The following GATB variants were observed in gnomAD, a reference collection of about 807,000 sequenced individuals.
GATB encodes the protein glutamyl-tRNA amidotransferase subunit B.
A neutral mutation model predicts 62.3 loss-of-function variants in GATB; 39 were observed. That is an observed-to-expected ratio of 0.63 (90% confidence interval 0.48 to 0.82). The LOEUF (loss-of-function observed/expected upper bound fraction) is 0.82. Among genes scored for constraint, GATB ranks in the 40% least tolerant of loss-of-function variants. The pLI is 0.00. For synonymous variants in GATB, 276 were observed against 258.9 expected, an observed-to-expected ratio of 1.07 and a Z score of -0.63; for missense variants, 670 against 684.0, an observed-to-expected ratio of 0.98 and a Z score of 0.23.
At chr4:151,750,762 G>A (rs1578941972) in intron 2 of GATB, among the ~76,000 whole-genome samples, 2 of 150,170 alleles carry the variant, frequency 1.3e-5, no homozygotes, top group African/African-American at 2.4e-5. Context: ...CACAAGCAGC[G>A]GACTACAGGC....
chr4:151,705,615 C>A (rs1205792548), intron 6 of GATB, among the ~76,000 whole-genome samples: 2 of 152,136 alleles, frequency 1.3e-5, no homozygotes, highest in East Asian at 3.9e-4. Flanking sequence ...CCCTGGGAGT[C>A]TGGGATGGGC....
chr4:151,737,767 A>G (rs1253776878), intron 2 of GATB, among the ~76,000 whole-genome samples: 1 of 152,176 alleles, frequency 6.6e-6, no homozygotes, highest in African/African-American at 2.4e-5. Flanking sequence ...TAAAAGGGGC[A>G]AAGGTACAGC....
intron 5 of GATB, among the ~76,000 whole-genome samples, chr4:151,711,983 T>A (rs867606339): frequency 6.6e-6 from 1 of 152,236 alleles, no homozygotes; most frequent in African/African-American, 2.4e-5. Context: ...TTCCAAAGTG[T>A]GCTGAGCTCC....
At chr4:151,715,829 A>C (rs1291539139) in intron 5 of GATB, among the ~76,000 whole-genome samples, 180 bp downstream of exon 5, 1 of 152,178 alleles carries the variant, frequency 6.6e-6, no homozygotes, top group African/African-American at 2.4e-5. Flanking sequence ...AATCCAAGGA[A>C]AATTCTAAAC....
chr4:151,705,044 T>C (rs1186255094), intron 7 of GATB, 141 bp downstream of exon 7: 1 of 605,738 alleles, frequency 1.7e-6, no homozygotes, highest in Non-Finnish European at 3.0e-6. Context: ...GTACAGTACT[T>C]TTCTAATTGT....
chr4:151,686,727 C>A (rs1290967647), intron 10 of GATB, among the ~76,000 whole-genome samples: 2 of 143,162 alleles, frequency 1.4e-5, no homozygotes, highest in African/African-American at 5.1e-5. Flanking sequence ...CTTCTCTGTG[C>A]ACGCTTCCCA....
intron 2 of GATB, among the ~76,000 whole-genome samples, chr4:151,737,864 A>ACGGAAAAAC (rs2126990979): frequency 6.6e-6 from 1 of 152,310 alleles, no homozygotes; most frequent in Non-Finnish European, 1.5e-5. Flanking sequence ...GAAGTCAAGA[A>ACGGAAAAAC]CCAAGGTTTG....
At chr4:151,699,846 A>C (rs1738563526) in intron 9 of GATB, among the ~76,000 whole-genome samples, 1 of 152,214 alleles carries the variant, frequency 6.6e-6, no homozygotes. Flanking sequence ...ATTTTGAGCA[A>C]GGAAACCTTG....
Position 151,719,502 on chromosome 4 carries a change from T to A in GATB, c.364A>T (p.Thr122Ser). The change falls in exon 3 of 13, where the codon ACA (threonine) becomes TCA (serine). Residue 122 changes from threonine (T) to serine (S), a missense_variant. Physicochemically the swap from Thr to Ser is moderately conservative, Grantham distance 58 (BLOSUM62 1). Transcript: ENST00000263985. The stretch of plus-strand genomic sequence containing the variant: ...ATGTGGCAGTTCAGAGCCAGGCCTG[T>A]CATCACCGCCGCTTCTACACACCTC... ...NRRCVEAAVM[T>S]GLALNCHINK... The A allele has an allele frequency of 6.2e-7, 1 of 1,610,308 alleles. No individual in the cohort carries two copies. The highest frequency in any genetic ancestry group is 1.3e-5 in the African/African-American group (1 of 74,812).
At chr4:151,692,987 C>T (rs1260041767) in intron 9 of GATB, among the ~76,000 whole-genome samples, 6 of 152,136 alleles carry the variant, frequency 3.9e-5, no homozygotes, top group Non-Finnish European at 7.3e-5. Flanking sequence ...TTTGCAGAGG[C>T]GCACACTGGA....
At chr4:151,697,895 G>A (rs778192568) in intron 9 of GATB, among the ~76,000 whole-genome samples, 7 of 140,790 alleles carry the variant, frequency 5.0e-5, no homozygotes, top group South Asian at 4.5e-4. Flanking sequence ...GCGAGACTCC[G>A]TCTCAAAAAC....
intron 2 of GATB, among the ~76,000 whole-genome samples, chr4:151,731,067 T>C (rs532908655): frequency 9.7e-4 from 147 of 152,172 alleles, no homozygotes; most frequent in Admixed American, 5.6e-3. Context: ...AGGAAATAGA[T>C]AGCTTAAAGA....
At chr4:151,760,764 C>T (rs377231538) in intron 1 of GATB, 43 bp downstream of exon 1, 3 of 1,515,836 alleles carry the variant, frequency 2.0e-6, no homozygotes, top group Admixed American at 4.0e-5. Context: ...TCCTGCAGTT[C>T]CACCTCACAG....
chr4:151,699,777 T>TACACAC (rs35358434), intron 9 of GATB, among the ~76,000 whole-genome samples: 7 of 151,098 alleles, frequency 4.6e-5, no homozygotes, highest in African/African-American at 4.9e-5. Flanking sequence ...AGACAGCTAA[T>TACACAC]ACACACACAC....
chr4:151,701,241 C>G, intron 9 of GATB, 88 bp downstream of exon 9: 1 of 1,091,142 alleles, frequency 9.2e-7, no homozygotes, highest in Non-Finnish European at 1.3e-6. Context: ...CACTCAGAGC[C>G]CATGGCAGCC....
At chr4:151,731,579 G>A (rs1372210903) in intron 2 of GATB, among the ~76,000 whole-genome samples, 11 of 151,214 alleles carry the variant, frequency 7.3e-5, no homozygotes, top group Non-Finnish European at 1.3e-4. Context: ...GCCACCCATC[G>A]TCTGGGATGT....
intron 8 of GATB, among the ~76,000 whole-genome samples, chr4:151,702,428 T>C (rs1264365929): frequency 6.6e-6 from 1 of 152,166 alleles, no homozygotes; most frequent in African/African-American, 2.4e-5. Context: ...GGTGGATGCA[T>C]GTCATTGTGC....
chr4:151,732,372 C>T (rs1241188982), intron 2 of GATB, among the ~76,000 whole-genome samples: 5 of 152,214 alleles, frequency 3.3e-5, no homozygotes, highest in African/African-American at 7.2e-5. Flanking sequence ...TTGTTCTGTA[C>T]TGGGAGAGGT....
chr4:151,757,173 A>G (rs79576946), intron 2 of GATB, among the ~76,000 whole-genome samples: 159 of 152,356 alleles, frequency 1.0e-3, no homozygotes, highest in Non-Finnish European at 1.9e-3. Context: ...TTCCATAGAT[A>G]GATCTCTAAG....
Sources: gnomAD v4.1 joint callset for allele counts (sites outside exome capture counted in the v4.1 genomes callset) on GRCh38, gnomAD v4.1.1 for gene constraint, MANE v1.5 for transcripts, NCBI Gene and HGNC (gene_info 2026-07-23, HGNC 2026-07-21) for gene names.